The following SYT7 variants were observed in gnomAD, a reference collection of about 807,000 sequenced individuals.
SYT7 encodes synaptotagmin-7.
In SYT7, 29 loss-of-function variants were observed where a neutral mutation model predicts 75.1. The ratio of observed to expected loss-of-function variants is 0.39; its 90% CI spans 0.29 to 0.53. The LOEUF is 0.53. Among genes scored for constraint, SYT7 ranks in the 20% least tolerant of loss-of-function variants. The pLI is 0.77. For missense variants in SYT7, 693 were observed against 953.2 expected (o/e 0.73, Z 3.59); for synonymous variants, 376 against 401.7 (o/e 0.94, Z 0.76).
At position 61,542,294 on chromosome 11, in the gene SYT7, C is replaced by T; in HGVS notation, c.858G>A (p.Gly286=). The stretch of plus-strand genomic sequence containing the variant: ...TGCCTGGGTTGGAGCGGCTGCGGCC[C>T]CCTGCCGCCCGGTACTTGGAGCCGG... ...TSAGSKYRAA[G]GRSRSNPGSW... is the part of the protein sequence containing the mutation. The change falls in exon 6 of 13, where the codon GGG becomes GGA. Residue 286 remains glycine (G), a synonymous_variant. Transcript: ENST00000539008. The surrounding 1 kb of genome is among the most constrained non-coding windows in gnomAD (Gnocchi z 7.8). 6.5e-7 allele frequency: 1 copy of T among 1,534,566 alleles called. No individual in the cohort carries two copies. The highest frequency in any genetic ancestry group is 8.7e-7 in the Non-Finnish European group (1 of 1,146,134).
At chr11:61,531,888 T>G (rs2062721243) in intron 8 of SYT7, among the ~76,000 whole-genome samples, 1 of 105,580 alleles carries the variant, frequency 9.5e-6, no homozygotes, top group African/African-American at 4.9e-5. Context: ...AGTGATTCTG[T>G]CTCAAAAAAA....
At chr11:61,561,231 G>C (rs964182487) in intron 1 of SYT7, among the ~76,000 whole-genome samples, 1 of 152,182 alleles carries the variant, frequency 6.6e-6, no homozygotes, top group Admixed American at 6.5e-5. Flanking sequence ...AGGTCCCGGC[G>C]GGTAAGGCAC....
At position 61,513,839 on chromosome 11, in the gene SYT7, C is replaced by CA. The variant is rs2062101315; in HGVS notation, c.*4787dup. Among the ~76,000 whole-genome samples the CA allele has an allele frequency of 6.6e-6, 1 of 152,228 alleles. No homozygotes were observed. Among genetic ancestry groups the CA allele is most frequent in the Non-Finnish European group, 1.5e-5 (1 of 68,038 alleles). Reference sequence around the variant, plus strand: ...AGACACGACACATACACGCAGGACACAGACACGGGGAGCGGGGCGTCTTCA... The same window carrying CA: ...AGACACGACACATACACGCAGGACACAAGACACGGGGAGCGGGGCGTCTTCA... On this transcript the variant is annotated 3_prime_UTR_variant, in exon 13 of 13. Coordinates refer to ENST00000539008, the MANE Select transcript of SYT7 (RefSeq NM_001365809.2).
At chr11:61,541,840 G>A (rs554278502) in intron 6 of SYT7, among the ~76,000 whole-genome samples, 1 of 152,176 alleles carries the variant, frequency 6.6e-6, no homozygotes, top group South Asian at 2.1e-4. Flanking sequence ...TGGAGCAGAA[G>A]GGGGAGGAGA....
rs767322594 is a variant in SYT7, at chr11:61,580,631, G to A, written c.31+159C>T. 2.0e-5 allele frequency among the ~76,000 whole-genome samples: 3 copies of A among 151,918 alleles called. No homozygotes were observed. The highest frequency in any genetic ancestry group is 7.2e-5 in the African/African-American group (3 of 41,404). On this transcript the variant is annotated intron_variant, in intron 1 of 12. Coordinates refer to ENST00000539008, the MANE Select transcript of SYT7 (RefSeq NM_001365809.2). This position sits in a 1 kb window ranked among gnomAD's most constrained non-coding sequence, Gnocchi z 6.1. ...GGGGACCGGGGTCCGAGCCGCTGCC[G>A]CTCGATCCCGCGCCCCCGGGGCTGG...
Position 61,517,901 on chromosome 11 carries a change from T to C in SYT7, c.*726A>G. 3.8e-6 allele frequency: 1 copy of C among 263,598 alleles called. No homozygotes were observed. Among genetic ancestry groups the C allele is most frequent in the Non-Finnish European group, 7.1e-6 (1 of 140,176 alleles). The allele number at this position is 263,598 out of a possible 1,614,324, so 16.3% of individuals were successfully genotyped here. A position where few individuals can be genotyped will look rare whatever the true frequency, so the allele number is the denominator to read the frequency against. ...CAGTTCTCAGCCCAGCTCCAGCAAC[T>C]GCAGCTCTTCTGTTTCTGACCTCTG... On this transcript the variant is annotated 3_prime_UTR_variant, in exon 13 of 13. Transcript: ENST00000539008.
Position 61,551,035 on chromosome 11 carries a change from G to A in SYT7, c.215+349C>T, listed in dbSNP as rs186281840. On this transcript the variant is annotated intron_variant, in intron 3 of 12. Coordinates refer to ENST00000539008, the MANE Select transcript of SYT7 (RefSeq NM_001365809.2). The surrounding 1 kb of genome is among the most constrained non-coding windows in gnomAD (Gnocchi z 5.3). ...CCTAGCAGCAGGGGCCCCATGAGAG[G>A]GGCTTGGAGGTCCAGGGAAGCCGGC... Among the ~76,000 whole-genome samples the A allele has an allele frequency of 9.2e-5, 14 of 152,300 alleles. No individual in the cohort carries two copies. The highest frequency in any genetic ancestry group is 4.2e-4 in the South Asian group (2 of 4,818).
chr11:61,531,092 G>T (rs1053470379), intron 8 of SYT7: 17 of 985,416 alleles, frequency 1.7e-5, no homozygotes, highest in Non-Finnish European at 2.0e-5. Context: ...CACAGCCCAG[G>T]GTCCAGAGAC....
chr11:61,553,806 T>C lies in SYT7; in HGVS notation c.135+2298A>G, dbSNP rs2063417756. On this transcript the variant is annotated intron_variant, in intron 2 of 12. Transcript: ENST00000539008. This position sits in a 1 kb window ranked among gnomAD's most constrained non-coding sequence, Gnocchi z 5.2. ...GTTATTAATGTTTGGAAATGGGATC[T>C]GGGCTGTCAGGGTATCACGTCACTG... 6.6e-6 allele frequency among the ~76,000 whole-genome samples: 1 copy of C among 152,234 alleles called. No individual in the cohort carries two copies. The highest frequency in any genetic ancestry group is 1.9e-4 in the East Asian group (1 of 5,168).
At chr11:61,557,436 G>A (rs1329986283) in intron 1 of SYT7, among the ~76,000 whole-genome samples, 3 of 152,154 alleles carry the variant, frequency 2.0e-5, no homozygotes, top group Admixed American at 1.3e-4. Context: ...ATGGAGCCTG[G>A]TTGAGGAAGG....
At chr11:61,544,266 C>T (rs762359245) in intron 5 of SYT7, among the ~76,000 whole-genome samples, 3 of 152,158 alleles carry the variant, frequency 2.0e-5, no homozygotes, top group African/African-American at 4.8e-5. Flanking sequence ...CCTTCACCAC[C>T]GCAACCAGAC....
Position 61,580,740 on chromosome 11 carries a change from T to G in SYT7, c.31+50A>C. ...CCGAGACGGCGTCCGGCGCTGCCGC[T>G]GTCCTGCCCGCCGGTGCGGGGCGCC... is the stretch of plus-strand genomic sequence containing the variant. On this transcript the variant is annotated intron_variant, in intron 1 of 12. Coordinates refer to ENST00000539008, the MANE Select transcript of SYT7 (RefSeq NM_001365809.2). The surrounding 1 kb of genome is among the most constrained non-coding windows in gnomAD (Gnocchi z 6.1). 8.5e-7 allele frequency: 1 copy of G among 1,173,474 alleles called. No homozygotes were observed. The highest frequency in any genetic ancestry group is 1.1e-6 in the Non-Finnish European group (1 of 937,948). 72.7% of individuals were successfully genotyped at this position (1,173,474 alleles called of 1,614,324 possible).
Position 61,517,484 on chromosome 11 carries a change from G to A in SYT7, c.*1143C>T. The A allele has an allele frequency of 2.5e-6, 1 of 399,022 alleles. No homozygotes were observed. Among genetic ancestry groups the A allele is most frequent in the East Asian group, 3.6e-5 (1 of 28,072 alleles). The allele number at this position is 399,022 out of a possible 1,614,324, so 24.7% of individuals were successfully genotyped here. On this transcript the variant is annotated 3_prime_UTR_variant, in exon 13 of 13. Coordinates refer to ENST00000539008, the MANE Select transcript of SYT7 (RefSeq NM_001365809.2). ...TGGACGATCAGAGACCACGCACGATGAGACGGAATGAATGGAAGGTCTACA... is the reference window on the plus strand; with the variant it reads ...TGGACGATCAGAGACCACGCACGATAAGACGGAATGAATGGAAGGTCTACA...
At chr11:61,563,767 C>A (rs2063700187) in intron 1 of SYT7, among the ~76,000 whole-genome samples, 1 of 152,200 alleles carries the variant, frequency 6.6e-6, no homozygotes, top group African/African-American at 2.4e-5. Context: ...TCCCCTCCTA[C>A]AATCCTTTCT....
At chr11:61,588,099 G>A in the SYT7 span, among the ~76,000 whole-genome samples, 1 of 152,182 alleles carries the variant, frequency 6.6e-6, no homozygotes, top group Non-Finnish European at 1.5e-5. Flanking sequence ...CCCTGGCTCT[G>A]GGCTCAGGAG....
chr11:61,560,065 A>G (rs1053848284), intron 1 of SYT7, among the ~76,000 whole-genome samples: 4 of 152,212 alleles, frequency 2.6e-5, no homozygotes, highest in African/African-American at 9.6e-5. Context: ...ATGCAGTCAC[A>G]ACGACAACAG....
intron 5 of SYT7, among the ~76,000 whole-genome samples, chr11:61,543,228 GTTC>G (rs2063098189): frequency 6.6e-6 from 1 of 152,144 alleles, no homozygotes; most frequent in Admixed American, 6.5e-5. Context: ...TCTTTTCAGG[GTTC>G]TTTGTTTCCA....
At chr11:61,532,898 C>A in intron 8 of SYT7, 91 bp downstream of exon 8, 2 of 1,549,586 alleles carry the variant, frequency 1.3e-6, no homozygotes, top group Non-Finnish European at 1.7e-6. Context: ...CACTCCCATG[C>A]TGTTAATCAT....
At chr11:61,518,820 G>A in intron 12 of SYT7, 89 bp from the exon 13 acceptor site, 1 of 951,552 alleles carries the variant, frequency 1.1e-6, no homozygotes, top group South Asian at 2.0e-5. Context: ...ACTCCACCAT[G>A]ATACCCTAGC....
Sources: gnomAD v4.1 joint callset for allele counts (sites outside exome capture counted in the v4.1 genomes callset) on GRCh38, gnomAD v4.1.1 for gene constraint, Gnocchi (gnomAD v3.1) non-coding constraint, MANE v1.5 for transcripts, NCBI Gene and HGNC (gene_info 2026-07-23, HGNC 2026-07-21) for gene names.